COL24A1: variants seen among roughly 807,000 people sequenced by gnomAD.
COL24A1 encodes collagen alpha-1(XXIV) chain.
A neutral mutation model predicts 253.9 loss-of-function variants in COL24A1; 224 were observed. The ratio of observed to expected loss-of-function variants is 0.88; its 90% CI spans 0.79 to 0.99. The LOEUF (loss-of-function observed/expected upper bound fraction) is 0.99, where lower values mean the gene tolerates loss of function less well. Among genes scored for constraint, COL24A1 ranks in the 50% least tolerant of loss-of-function variants. COL24A1 has a pLI of 0.00. For missense variants in COL24A1, 2,131 were observed against 2,068.5 expected (o/e 1.03, Z -0.59); for synonymous variants, 685 against 673.7 (o/e 1.02, Z -0.26).
intron 37 of COL24A1, among the ~76,000 whole-genome samples, chr1:85,852,002 C>A (rs1037201755): frequency 6.6e-6 from 1 of 152,158 alleles, no homozygotes; most frequent in Non-Finnish European, 1.5e-5. Context: ...CTTATAAGGT[C>A]ATAAAATATT....
At chr1:85,739,865 T>A (rs1664421798) in intron 57 of COL24A1, among the ~76,000 whole-genome samples, 1 of 152,190 alleles carries the variant, frequency 6.6e-6, no homozygotes, top group Non-Finnish European at 1.5e-5. Context: ...CTAGCTTTTG[T>A]TATTACCAAC....
chr1:85,762,680 G>A (rs914729866), intron 53 of COL24A1, among the ~76,000 whole-genome samples: 2 of 152,094 alleles, frequency 1.3e-5, no homozygotes, highest in African/African-American at 4.8e-5. Flanking sequence ...ATATACAGAA[G>A]CTCAAAGTGA....
chr1:85,868,979 A>G, intron 35 of COL24A1, 144 bp from the exon 36 acceptor site: 1 of 556,414 alleles, frequency 1.8e-6, no homozygotes, highest in South Asian at 3.0e-5. Flanking sequence ...AGGATTTGAC[A>G]GTAAAATGAG....
chr1:85,764,499 CACACA>C (rs1667163403), intron 53 of COL24A1, among the ~76,000 whole-genome samples: 3 of 120,498 alleles, frequency 2.5e-5, no homozygotes, highest in African/African-American at 6.4e-5. Context: ...CACACACACA[CACACA>C]CCATATTCCT....
At chr1:85,938,122 C>T (rs1688393548) in intron 24 of COL24A1, among the ~76,000 whole-genome samples, 1 of 147,412 alleles carries the variant, frequency 6.8e-6, no homozygotes. Context: ...AGGCACTATC[C>T]TATAGGATGA....
chr1:85,866,558 G>A (rs1196376379), intron 37 of COL24A1, among the ~76,000 whole-genome samples: 1 of 152,044 alleles, frequency 6.6e-6, no homozygotes, highest in Non-Finnish European at 1.5e-5. Flanking sequence ...TGGATCACTT[G>A]AGGTCAGGAG....
chr1:85,950,356 A>C (rs1328160367), intron 24 of COL24A1, among the ~76,000 whole-genome samples: 1 of 152,252 alleles, frequency 6.6e-6, no homozygotes, highest in African/African-American at 2.4e-5. Flanking sequence ...AGAATTTATA[A>C]AAGTAACTCA....
chr1:86,107,795 A>G (rs1705147939), intron 5 of COL24A1, among the ~76,000 whole-genome samples: 3 of 152,218 alleles, frequency 2.0e-5, no homozygotes, highest in South Asian at 4.1e-4. Flanking sequence ...TCGGCCTCCC[A>G]AAGTGGTAAT....
At chr1:85,985,689 AT>A (rs1226272219) in intron 20 of COL24A1, among the ~76,000 whole-genome samples, 1 of 151,784 alleles carries the variant, frequency 6.6e-6, no homozygotes, top group African/African-American at 2.4e-5. Flanking sequence ...TAAAGGGGAA[AT>A]TTCTATCAAA....
intron 3 of COL24A1, among the ~76,000 whole-genome samples, chr1:86,119,104 A>G (rs1189147896): frequency 2.0e-5 from 3 of 152,182 alleles, no homozygotes; most frequent in Non-Finnish European, 2.9e-5. Context: ...TGTCAGAGTG[A>G]GAACATTTTG....
At chr1:85,875,449 T>C (rs2102600445) in intron 33 of COL24A1, 119 bp from the exon 34 acceptor site, 7 of 714,334 alleles carry the variant, frequency 9.8e-6, no homozygotes, top group Non-Finnish European at 1.2e-5. Flanking sequence ...GCTGTCCCTT[T>C]ATAAACTTCA....
At chr1:85,989,482 C>A (rs1694032516) in intron 19 of COL24A1, among the ~76,000 whole-genome samples, 1 of 152,088 alleles carries the variant, frequency 6.6e-6, no homozygotes, top group African/African-American at 2.4e-5. Context: ...AACCCTAGGG[C>A]AAGTCACTTT....
intron 47 of COL24A1, among the ~76,000 whole-genome samples, chr1:85,801,153 C>G (rs1353259504): frequency 6.6e-6 from 1 of 152,146 alleles, no homozygotes; most frequent in Non-Finnish European, 1.5e-5. Context: ...CAGTCTTTTT[C>G]CTCCTGTATC....
chr1:85,899,373 T>C (rs966145466), intron 28 of COL24A1, among the ~76,000 whole-genome samples: 1 of 152,218 alleles, frequency 6.6e-6, no homozygotes. Context: ...AGAATTACTA[T>C]GTATTTCTTT....
In COL24A1 at chr1:86,125,945, G is replaced by A. The variant is rs755286353; in HGVS notation, c.391C>T (p.Leu131=). 22 of 1,613,230 alleles carry A rather than the reference G, an allele frequency of 1.4e-5. No individual in the cohort carries two copies. In the Admixed American group the frequency reaches 2.2e-4, roughly 16 times the overall value. ...FLFSIRNKNR[L]QLGVQLLPKK... ...GGTAGTAATTGTACTCCTAATTGCA[G>A]TCTATTTTTATTTCTAATGCTGAAG... The change falls in exon 3 of 60, where the codon CTG becomes TTG. Residue 131 remains leucine, a synonymous_variant. Transcript: ENST00000370571.
At chr1:85,866,617 T>C (rs551459710) in intron 37 of COL24A1, among the ~76,000 whole-genome samples, 1 of 151,872 alleles carries the variant, frequency 6.6e-6, no homozygotes, top group East Asian at 1.9e-4. Flanking sequence ...CTACTAAAAA[T>C]ATAAAAATTA....
intron 37 of COL24A1, among the ~76,000 whole-genome samples, chr1:85,856,132 T>C (rs1678413260): frequency 6.6e-6 from 1 of 152,210 alleles, no homozygotes; most frequent in African/African-American, 2.4e-5. Context: ...ATCTTATTTA[T>C]TCTTTCAATA....
At chr1:85,771,708 A>C (rs562332882) in intron 53 of COL24A1, among the ~76,000 whole-genome samples, 1 of 151,936 alleles carries the variant, frequency 6.6e-6, no homozygotes, top group South Asian at 2.1e-4. Context: ...ACTAATTTAC[A>C]CTCCCTCCAA....
intron 24 of COL24A1, among the ~76,000 whole-genome samples, chr1:85,956,208 A>G (rs918270563): frequency 2.0e-5 from 3 of 152,214 alleles, no homozygotes; most frequent in Non-Finnish European, 4.4e-5. Context: ...TTATTTCATA[A>G]GAGTTGTTTA....
Sources: gnomAD v4.1 joint callset for allele counts (sites outside exome capture counted in the v4.1 genomes callset) on GRCh38, gnomAD v4.1.1 for gene constraint, MANE v1.5 for transcripts, NCBI Gene and HGNC (gene_info 2026-07-23, HGNC 2026-07-21) for gene names.